The following ATG13 variants were observed in gnomAD, a reference collection of about 807,000 sequenced individuals.
ATG13 encodes the protein autophagy related 13.
A neutral mutation model predicts 65.5 loss-of-function variants in ATG13; 23 were observed. That is an observed-to-expected ratio of 0.35 (90% confidence interval 0.25 to 0.50). The LOEUF is 0.50. ATG13 is among the 20% of genes least tolerant of loss of function. ATG13 has a pLI of 0.98. For missense variants in ATG13, 566 were observed against 677.0 expected (o/e 0.84, Z 1.82); for synonymous variants, 252 against 245.2 (o/e 1.03, Z -0.26).
In ATG13 at chr11:46,628,786, T is replaced by C. The variant is rs553294677; in HGVS notation, c.-69-1259T>C. 5.3e-5 allele frequency among the ~76,000 whole-genome samples: 8 copies of C among 152,212 alleles called. No individual in the cohort carries two copies. The East Asian group carries it at 1.5e-3, about 29-fold the overall frequency. On this transcript the variant is annotated intron_variant, in intron 1 of 18. Transcript: ENST00000683050. Reference sequence around the variant, plus strand: ...GTGTAATTGACATAAATAAATTATATCCATTATAAATTTACAGTTTCACAA... The same window carrying C: ...GTGTAATTGACATAAATAAATTATACCCATTATAAATTTACAGTTTCACAA...
chr11:46,655,098 CAAAA>C (rs572278395), intron 7 of ATG13, among the ~76,000 whole-genome samples: 1 of 149,542 alleles, frequency 6.7e-6, no homozygotes, highest in Non-Finnish European at 1.5e-5. Context: ...GACACTGTCT[CAAAA>C]AAAACCAAAA....
intron 2 of ATG13, 146 bp from the exon 3 acceptor site, chr11:46,644,133 T>C (rs771917899): frequency 1.9e-6 from 1 of 513,900 alleles, no homozygotes; most frequent in Non-Finnish European, 3.3e-6. Flanking sequence ...TTTTTCACTT[T>C]GGTATCTTTA....
intron 1 of ATG13, among the ~76,000 whole-genome samples, chr11:46,622,352 C>T (rs1041380996): frequency 1.3e-5 from 2 of 151,668 alleles, no homozygotes; most frequent in Non-Finnish European, 2.9e-5. Context: ...CTCCTGACCT[C>T]GTGATCCGCC....
At position 46,670,297 on chromosome 11, in the gene ATG13, A is replaced by G. The variant is rs554228872; in HGVS notation, c.1575+765A>G. ...GGAGTTCGAGACCAGCCTGGCCAACATGGTGAAACCCCGTCTCTACTAAAA... is the reference window on the plus strand; with the variant it reads ...GGAGTTCGAGACCAGCCTGGCCAACGTGGTGAAACCCCGTCTCTACTAAAA... On this transcript the variant is annotated intron_variant, in intron 18 of 18. Transcript: ENST00000683050. Among the ~76,000 whole-genome samples the G allele has an allele frequency of 6.6e-5, 10 of 152,124 alleles. No individual in the cohort carries two copies. In the South Asian group the frequency reaches 1.5e-3, roughly 22 times the overall value.
intron 2 of ATG13, among the ~76,000 whole-genome samples, chr11:46,634,546 C>G (rs2053239509): frequency 6.6e-6 from 1 of 151,766 alleles, no homozygotes; most frequent in Non-Finnish European, 1.5e-5. Flanking sequence ...AGGCATGCAC[C>G]AACACACCCA....
intron 11 of ATG13, among the ~76,000 whole-genome samples, chr11:46,663,726 C>G (rs982317405): frequency 1.3e-5 from 2 of 152,154 alleles, no homozygotes; most frequent in Non-Finnish European, 2.9e-5. Context: ...CAAGTTGTAG[C>G]CAGCTCACCT....
At chr11:46,629,023 A>G (rs575392692) in intron 1 of ATG13, among the ~76,000 whole-genome samples, 1 of 150,624 alleles carries the variant, frequency 6.6e-6, no homozygotes, top group South Asian at 2.1e-4. Context: ...GCTCACTACA[A>G]CCTCCTCCTC....
Position 46,665,251 on chromosome 11 carries a change from GGGATT to G in ATG13, c.1000-130_1000-126del, listed in dbSNP as rs1342811123. 5 of 1,145,396 alleles carry G rather than the reference GGGATT, an allele frequency of 4.4e-6. No individual in the cohort carries two copies. The African/African-American group carries it at 6.2e-5, about 14-fold the overall frequency. 71.0% of individuals were successfully genotyped at this position (1,145,396 alleles called of 1,614,324 possible). Reference sequence around the variant, plus strand: ...GAGTTTCAGAGAGGATAAAGATCCAGGGATTGCTGCCTACTTGGTGGCAGCGTTGG... The same window carrying G: ...GAGTTTCAGAGAGGATAAAGATCCAGGCTGCCTACTTGGTGGCAGCGTTGG... On this transcript the variant is annotated intron_variant, in intron 13 of 18. Coordinates refer to ENST00000683050, the MANE Select transcript of ATG13 (RefSeq NM_001346311.2).
At chr11:46,657,070 G>A in intron 8 of ATG13, 25 bp from the exon 9 acceptor site, 3 of 1,583,032 alleles carry the variant, frequency 1.9e-6, no homozygotes, top group South Asian at 2.2e-5. Context: ...TGCAAAAGAA[G>A]CTAATAATGT....
chr11:46,618,647 C>T (rs1468016227), intron 1 of ATG13, among the ~76,000 whole-genome samples: 1 of 152,126 alleles, frequency 6.6e-6, no homozygotes, highest in African/African-American at 2.4e-5. Context: ...ACAACAAGCT[C>T]TTCCTTTACA....
intron 11 of ATG13, 74 bp downstream of exon 11, chr11:46,659,559 T>G: frequency 8.0e-7 from 1 of 1,250,280 alleles, no homozygotes; most frequent in Non-Finnish European, 1.2e-6. Context: ...GGTGTCCAAA[T>G]TTAGCTACAA....
Position 46,673,012 on chromosome 11 carries a change from T to C in ATG13, c.*680T>C. The C allele has an allele frequency of 4.5e-6, 1 of 223,402 alleles. No individual in the cohort carries two copies. The highest frequency in any genetic ancestry group is 5.9e-5 in the South Asian group (1 of 16,894). The allele number at this position is 223,402 out of a possible 1,614,324, so 13.8% of individuals were successfully genotyped here. A position where few individuals can be genotyped will look rare whatever the true frequency, so the allele number is the denominator to read the frequency against. Reference sequence around the variant, plus strand: ...GCCTGTGCTCAGGTCCTCAGCTCCATGGGAAATAAAAATGGCACCCTGAAT... The same window carrying C: ...GCCTGTGCTCAGGTCCTCAGCTCCACGGGAAATAAAAATGGCACCCTGAAT... On this transcript the variant is annotated 3_prime_UTR_variant, in exon 19 of 19. Coordinates refer to ENST00000683050, the MANE Select transcript of ATG13 (RefSeq NM_001346311.2).
chr11:46,657,846 G>C (rs1037886042), intron 10 of ATG13, among the ~76,000 whole-genome samples: 4 of 152,112 alleles, frequency 2.6e-5, no homozygotes, highest in African/African-American at 9.7e-5. Context: ...GAAAATTCTT[G>C]GGATATTTTG....
At chr11:46,619,051 A>G (rs949446488) in intron 1 of ATG13, among the ~76,000 whole-genome samples, 1 of 152,174 alleles carries the variant, frequency 6.6e-6, no homozygotes, top group African/African-American at 2.4e-5. Context: ...AACTTCCAAC[A>G]TGGGGTGTGG....
At chr11:46,640,388 T>C (rs1219582674) in intron 2 of ATG13, among the ~76,000 whole-genome samples, 2 of 152,248 alleles carry the variant, frequency 1.3e-5, no homozygotes, top group African/African-American at 4.8e-5. Flanking sequence ...GCAAGCCACC[T>C]CTGGGAGAAG....
intron 1 of ATG13, among the ~76,000 whole-genome samples, chr11:46,623,211 A>G (rs1236399814): frequency 6.6e-6 from 1 of 152,004 alleles, no homozygotes; most frequent in Non-Finnish European, 1.5e-5. Flanking sequence ...GGAGAATGGC[A>G]CGAACCTGGG....
At chr11:46,619,225 C>T (rs1591325545) in intron 1 of ATG13, among the ~76,000 whole-genome samples, 1 of 151,988 alleles carries the variant, frequency 6.6e-6, no homozygotes, top group South Asian at 2.1e-4. Context: ...AGGAGGAATG[C>T]AAAGGAGGCT....
At chr11:46,661,688 G>A (rs1022985363) in intron 11 of ATG13, among the ~76,000 whole-genome samples, 1 of 151,462 alleles carries the variant, frequency 6.6e-6, no homozygotes, top group Admixed American at 6.6e-5. Flanking sequence ...AAAAATTAGC[G>A]GGTGTGTTGG....
intron 2 of ATG13, among the ~76,000 whole-genome samples, chr11:46,632,777 C>T (rs2052269742): frequency 6.6e-6 from 1 of 151,912 alleles, no homozygotes; most frequent in South Asian, 2.1e-4. Flanking sequence ...AGGTAACCAT[C>T]TGGTACTATT....
Sources: allele counts gnomAD v4.1 joint callset (sites outside exome capture counted in the v4.1 genomes callset), GRCh38; gene constraint gnomAD v4.1.1; transcripts MANE v1.5; gene names NCBI Gene and HGNC (gene_info 2026-07-23, HGNC 2026-07-21).